The following DYSF variants were observed in gnomAD, a reference collection of about 807,000 sequenced individuals.
DYSF encodes dystrophy-associated fer-1-like 1.
DYSF carries 212 observed loss-of-function variants against 274.9 expected under a neutral mutation model. The ratio of observed to expected loss-of-function variants is 0.77; its 90% confidence interval spans 0.69 to 0.86. DYSF has a LOEUF of 0.86. DYSF is among the 40% of genes least tolerant of loss of function. The pLI, the probability that DYSF is intolerant of heterozygous loss-of-function variation, is 0.00. For missense variants in DYSF, 2,666 were observed against 2,783.2 expected (o/e 0.96, Z 0.95); for synonymous variants, 1,091 against 1,078.7 (o/e 1.01, Z -0.22).
intron 47 of DYSF, among the ~76,000 whole-genome samples, chr2:71,666,446 G>T (rs956773492): frequency 1.1e-4 from 16 of 152,246 alleles, no homozygotes; most frequent in African/African-American, 3.9e-4. Flanking sequence ...GGCAGGGCAG[G>T]TCTGATGGGT....
chr2:71,505,800 A>C (rs1435221849), intron 4 of DYSF, among the ~76,000 whole-genome samples: 1 of 152,114 alleles, frequency 6.6e-6, no homozygotes, highest in Non-Finnish European at 1.5e-5. Context: ...CATGGAGAAA[A>C]CTCAGTCGGC....
At position 71,568,322 on chromosome 2, in the gene DYSF, G is replaced by C. The variant is rs774307376; in HGVS notation, c.2848G>C (p.Val950Leu). ...AGWTWAGDWF[V>L]CPEKTLLHDM... Reference sequence around the variant, plus strand: ...CTGGACCTGGGCTGGAGATTGGTTCGTGTGTCCGGAGAAGACGTGAGTCGT... The same window carrying C: ...CTGGACCTGGGCTGGAGATTGGTTCCTGTGTCCGGAGAAGACGTGAGTCGT... The change falls in exon 26 of 56, where the codon GTG becomes CTG. Residue 950 changes from valine to leucine, a missense_variant. Val to Leu is a conservative substitution (Grantham distance 32). Around this residue, in one of 3 missense-constraint regions of DYSF, gnomAD observed 412 missense variants for 504.0 expected, o/e 0.82. Coordinates refer to ENST00000410020, the MANE Select transcript of DYSF (RefSeq NM_001130987.2). The C allele has an allele frequency of 3.7e-6, 6 of 1,614,164 alleles. No individual in the cohort carries two copies. The highest frequency in any genetic ancestry group is 5.1e-6 in the Non-Finnish European group (6 of 1,180,020).
In DYSF at chr2:71,648,420, C is replaced by T. The variant is rs1431605268; in HGVS notation, c.4626+4357C>T. Among the ~76,000 whole-genome samples the T allele has an allele frequency of 6.6e-5, 10 of 151,324 alleles. No homozygotes were observed. In the South Asian group the frequency reaches 1.3e-3, roughly 19 times the overall value. On this transcript the variant is annotated intron_variant, in intron 42 of 55. Coordinates refer to ENST00000410020, the MANE Select transcript of DYSF (RefSeq NM_001130987.2). ...GACAGAAACTATAAAAGTAAGCAAACGAAAATGGAAATAATGAAAAAGTTA... is the reference window on the plus strand; with the variant it reads ...GACAGAAACTATAAAAGTAAGCAAATGAAAATGGAAATAATGAAAAAGTTA...
At chr2:71,490,669 A>G (rs1038241235) in intron 3 of DYSF, among the ~76,000 whole-genome samples, 3 of 152,248 alleles carry the variant, frequency 2.0e-5, no homozygotes, top group Middle Eastern at 3.2e-3. Context: ...ATCTACAGGC[A>G]TCTGTTTATA....
intron 48 of DYSF, 32 bp downstream of exon 48, chr2:71,667,547 T>C (rs770112466): frequency 9.9e-6 from 16 of 1,613,492 alleles, no homozygotes; most frequent in Non-Finnish European, 1.4e-5. Context: ...CCCAGAGTCC[T>C]CGAACTCCAG....
chr2:71,556,212 A>G (rs537051378), intron 22 of DYSF, 141 bp downstream of exon 22: 73 of 718,522 alleles, frequency 1.0e-4, no homozygotes, highest in African/African-American at 9.0e-4. Flanking sequence ...TGCTGAGTCC[A>G]AAGGTGGTGG....
intron 41 of DYSF, among the ~76,000 whole-genome samples, chr2:71,620,995 C>T (rs2094085497): frequency 6.6e-6 from 1 of 152,124 alleles, no homozygotes; most frequent in Non-Finnish European, 1.5e-5. Flanking sequence ...TTCTGTGCTC[C>T]TCCCTGATGT....
At chr2:71,453,978 G>T in exon 1 of DYSF, 1 of 1,613,398 alleles carries the variant, frequency 6.2e-7, no homozygotes, top group Non-Finnish European at 8.5e-7. Context: ...CTGGGCGCAC[G>T]GGGCCCTACA....
intron 13 of DYSF, among the ~76,000 whole-genome samples, chr2:71,528,019 TAGTC>T (rs2088166405): frequency 1.3e-5 from 2 of 152,204 alleles, no homozygotes; most frequent in Non-Finnish European, 2.9e-5. Context: ...GATTTCTAAT[TAGTC>T]AGGCAGGTAG....
intron 34 of DYSF, 82 bp downstream of exon 34, chr2:71,600,924 C>G (rs2093535054): frequency 6.3e-7 from 1 of 1,582,462 alleles, no homozygotes; most frequent in Non-Finnish European, 8.6e-7. Context: ...CCTGGAACAC[C>G]TCCTCTGAAG....
rs4591368 is a variant in DYSF at position 71,498,628 on chromosome 2, G to A, written c.240-4586G>A. 9.1e-3 allele frequency among the ~76,000 whole-genome samples: 1,394 copies of A among 152,368 alleles called. 9 individuals carry two copies. Among genetic ancestry groups the A allele is most frequent in the Middle Eastern group, 0.017 (5 of 294 alleles). ...ATTCCTAAGCTTGTGGCTAATCTGA[G>A]TTTTACAAAGTTACTCTGGTCTCCA... On this transcript the variant is annotated intron_variant, in intron 3 of 55. Coordinates refer to ENST00000410020, the MANE Select transcript of DYSF (RefSeq NM_001130987.2).
intron 22 of DYSF, among the ~76,000 whole-genome samples, chr2:71,560,028 G>A (rs970704515): frequency 2.0e-5 from 3 of 152,240 alleles, no homozygotes; most frequent in Admixed American, 6.5e-5. Context: ...TGAGCCCTGC[G>A]CTGGGCCTAC....
chr2:71,667,305 G>C, intron 47 of DYSF, 71 bp from the exon 48 acceptor site: 2 of 1,608,888 alleles, frequency 1.2e-6, no homozygotes, highest in East Asian at 2.2e-5. Flanking sequence ...TGCTCAGCCT[G>C]TTCACTGGGC....
In DYSF at chr2:71,568,290, C is replaced by T. The variant is rs535323489; in HGVS notation, c.2816C>T (p.Ser939Leu). The T allele has an allele frequency of 5.0e-6, 8 of 1,614,204 alleles. No individual in the cohort carries two copies. The highest frequency in any genetic ancestry group is 2.2e-5 in the South Asian group (2 of 91,084). Residue 939 changes from serine to leucine, a missense_variant, in exon 26 of 56, where the codon TCG becomes TTG. By Grantham distance (145) the Ser-to-Leu change is moderately radical. This residue lies in a region of DYSF where 412 missense variants were observed against 504.0 expected (regional missense o/e 0.82). Coordinates refer to ENST00000410020, the MANE Select transcript of DYSF (RefSeq NM_001130987.2). ...IKLPKDSFRP[S>L]AGWTWAGDWF... ...CTACCCAAGGACAGCTTCCGCCCCT[C>T]GGCCGGCTGGACCTGGGCTGGAGAT...
intron 1 of DYSF, among the ~76,000 whole-genome samples, chr2:71,454,347 G>A (rs879813430): frequency 6.6e-6 from 1 of 152,216 alleles, no homozygotes; most frequent in Non-Finnish European, 1.5e-5. Flanking sequence ...CAGGAAGGTG[G>A]GACCAGCATC....
At chr2:71,661,953 T>G (rs1283687911) in intron 45 of DYSF, among the ~76,000 whole-genome samples, 2 of 151,944 alleles carry the variant, frequency 1.3e-5, no homozygotes, top group African/African-American at 4.8e-5. Context: ...GCTGGCGAGC[T>G]CCAGGGGCTG....
intron 40 of DYSF, among the ~76,000 whole-genome samples, chr2:71,618,498 TGTGTGTTTGGTAGAG>T (rs2093991616): frequency 1.3e-5 from 1 of 78,402 alleles, no homozygotes. Flanking sequence ...AGAGGTGATG[TGTGTGTTTGGTAGAG>T]GTGTGTGTGT....
intron 42 of DYSF, among the ~76,000 whole-genome samples, chr2:71,651,783 A>G (rs1048046641): frequency 6.6e-6 from 1 of 152,194 alleles, no homozygotes; most frequent in Non-Finnish European, 1.5e-5. Flanking sequence ...AAACCTAACT[A>G]ATATTAAAAT....
At chr2:71,571,459 GATCACACCCAGCACA>G (rs1559190082) in intron 29 of DYSF, among the ~76,000 whole-genome samples, 1 of 84,152 alleles carries the variant, frequency 1.2e-5, no homozygotes, top group East Asian at 7.5e-4. Flanking sequence ...CACACACACA[GATCACACCCAGCACA>G]CACACATCAC....
Sources: gnomAD v4.1 joint callset for allele counts (sites outside exome capture counted in the v4.1 genomes callset) on GRCh38, gnomAD v4.1.1 for gene constraint, gnomAD v4.1.1 regional missense constraint, MANE v1.5 for transcripts, NCBI Gene and HGNC (gene_info 2026-07-23, HGNC 2026-07-21) for gene names.